Variants in ZNF81 observed in about 807,000 individuals in gnomAD.
The protein encoded by ZNF81 is zinc finger protein 81 (HFZ20).
A neutral mutation model predicts 32.3 loss-of-function variants in ZNF81; 5 were observed. The observed-to-expected ratio is 0.15, with a 90% confidence interval of 0.08 to 0.33. ZNF81 has a LOEUF of 0.33. Ranked by LOEUF, ZNF81 falls within the 10% of genes least tolerant of loss-of-function variation. ZNF81 has a pLI of 1.00. For missense variants in ZNF81, 379 were observed against 479.8 expected, an observed-to-expected ratio of 0.79 and a Z score of 1.96; for synonymous variants, 163 against 166.8, an observed-to-expected ratio of 0.98 and a Z score of 0.17.
chrX:47,855,162 A>G (rs1312292644), intron 2 of ZNF81, among the ~76,000 whole-genome samples: 3 of 108,800 alleles, frequency 2.8e-5, no homozygotes, highest in Admixed American at 9.8e-5. Flanking sequence ...AAAAAAATAA[A>G]TAAATTAATT....
chrX:47,920,597 CT>C lies in ZNF81; in HGVS notation c.*3967del, dbSNP rs1418823959. ...CCTGAGGGCAACAGGGTTTGCTGCA[CT>C]TCTTTTAGTGGCTTAAGGATTTTGT... On this transcript the variant is annotated 3_prime_UTR_variant, in exon 5 of 5. Coordinates refer to ENST00000338637, the MANE Select transcript of ZNF81 (RefSeq NM_007137.5). The C allele has an allele frequency of 2.7e-5, 3 of 110,790 alleles. No individual in the cohort carries two copies. In the Admixed American group the frequency reaches 2.9e-4, roughly 11 times the overall value. 9.1% of individuals were successfully genotyped at this position (110,790 alleles called of 1,213,427 possible). A position where few individuals can be genotyped will look rare whatever the true frequency, so the allele number is the denominator to read the frequency against.
rs1333439699 is a variant in ZNF81 at position 47,922,223 on chromosome X, TCTCTG to T, written c.*5597_*5601del. 1 of 112,338 alleles carries T rather than the reference TCTCTG, an allele frequency of 8.9e-6. No homozygotes were observed. The highest frequency in any genetic ancestry group is 3.2e-5 in the African/African-American group (1 of 30,873). The allele number at this position is 112,338 out of a possible 1,213,427, so 9.3% of individuals were successfully genotyped here. A position where few individuals can be genotyped will look rare whatever the true frequency, so the allele number is the denominator to read the frequency against. On this transcript the variant is annotated 3_prime_UTR_variant, in exon 5 of 5. Transcript: ENST00000338637. The stretch of plus-strand genomic sequence containing the variant: ...TACTGTGAACACTTTCATGTTTTAA[TCTCTG>T]CTCTGTGCTCATAATCATATATAGA...
intron 4 of ZNF81, among the ~76,000 whole-genome samples, chrX:47,902,460 C>T (rs1159957892): frequency 9.0e-6 from 1 of 111,374 alleles, no homozygotes; most frequent in African/African-American, 3.3e-5. Context: ...ATGATGTAAT[C>T]GACATACATA....
chrX:47,909,342 C>T (rs2058731291), intron 4 of ZNF81, among the ~76,000 whole-genome samples: 1 of 111,500 alleles, frequency 9.0e-6, no homozygotes, highest in East Asian at 2.8e-4. Context: ...TTTAGGTTTC[C>T]CCTTTGTTAA....
intron 4 of ZNF81, among the ~76,000 whole-genome samples, chrX:47,901,919 G>C (rs1485830724): frequency 9.0e-6 from 1 of 111,472 alleles, no homozygotes; most frequent in Non-Finnish European, 1.9e-5. Context: ...CACGTCTCTT[G>C]TGATTTTGTA....
Position 47,917,606 on chromosome X carries a change from C to T in ZNF81, c.*974C>T. The T allele has an allele frequency of 4.8e-6, 1 of 210,118 alleles. No homozygotes were observed. Among genetic ancestry groups the T allele is most frequent in the Non-Finnish European group, 8.7e-6 (1 of 115,394 alleles). 17.3% of individuals were successfully genotyped at this position (210,118 alleles called of 1,213,427 possible). A position where few individuals can be genotyped will look rare whatever the true frequency, so the allele number is the denominator to read the frequency against. ...AGCCACCACATGGAGCAGTGGTGAG[C>T]CAGCCTTGCTGAGGCCCCTTAGACC... On this transcript the variant is annotated 3_prime_UTR_variant, in exon 5 of 5. Coordinates refer to ENST00000338637, the MANE Select transcript of ZNF81 (RefSeq NM_007137.5).
intron 4 of ZNF81, among the ~76,000 whole-genome samples, chrX:47,898,702 A>G (rs1227894452): frequency 9.0e-6 from 1 of 111,489 alleles, no homozygotes; most frequent in Admixed American, 9.5e-5. Context: ...TAACCCATGA[A>G]AATGGCATAT....
rs782377735 is a variant in ZNF81 at position 47,915,829 on chromosome X, T to G, written c.1183T>G (p.Phe395Val). 6 of 1,209,504 alleles carry G rather than the reference T, an allele frequency of 5.0e-6. No individual in the cohort carries two copies. Among genetic ancestry groups the G allele is most frequent in the Non-Finnish European group, 6.7e-6 (6 of 895,065 alleles). The change falls in exon 5 of 5, where the codon TTC becomes GTC. Residue 395 changes from phenylalanine (F) to valine (V), a missense_variant. Coordinates refer to ENST00000338637, the MANE Select transcript of ZNF81 (RefSeq NM_007137.5). Reference sequence around the variant, plus strand: ...TGAATGCAGTGAATGTGGTAAAGGCTTCTCCCTGAACTCAGCCCTCAATAT... The same window carrying G: ...TGAATGCAGTGAATGTGGTAAAGGCGTCTCCCTGAACTCAGCCCTCAATAT... ...LFECSECGKGFSLNSALNIHQ... is the reference protein window; with the variant it reads ...LFECSECGKGVSLNSALNIHQ...
intron 2 of ZNF81, among the ~76,000 whole-genome samples, chrX:47,882,538 A>T (rs2058625212): frequency 8.9e-6 from 1 of 112,792 alleles, no homozygotes; most frequent in Admixed American, 9.4e-5. Flanking sequence ...GTTGATGAAC[A>T]TTTAGAATGT....
intron 3 of ZNF81, among the ~76,000 whole-genome samples, chrX:47,888,933 C>T (rs930173661): frequency 8.9e-6 from 1 of 111,754 alleles, no homozygotes; most frequent in East Asian, 2.8e-4. Context: ...GGCTGAATTG[C>T]GTTCTGTTGG....
intron 2 of ZNF81, among the ~76,000 whole-genome samples, chrX:47,876,082 G>A: frequency 8.9e-6 from 1 of 112,195 alleles, no homozygotes; most frequent in Middle Eastern, 4.6e-3. Flanking sequence ...AGAGCCTGGT[G>A]CCTAGGCTAA....
chrX:47,904,598 T>G (rs376322614), intron 4 of ZNF81, among the ~76,000 whole-genome samples: 1 of 110,961 alleles, frequency 9.0e-6, no homozygotes, highest in African/African-American at 3.3e-5. Flanking sequence ...AATAGGAACA[T>G]TTTTACACTG....
chrX:47,843,440 C>G (rs1160652456), intron 1 of ZNF81, among the ~76,000 whole-genome samples: 1 of 109,185 alleles, frequency 9.2e-6, no homozygotes, highest in Non-Finnish European at 1.9e-5. Context: ...TCTACACACA[C>G]ACACACACAC....
intron 2 of ZNF81, among the ~76,000 whole-genome samples, chrX:47,865,736 GCTTT>G (rs782186176): frequency 8.9e-6 from 1 of 111,814 alleles, no homozygotes; most frequent in East Asian, 2.8e-4. Context: ...CTCTTTTGGG[GCTTT>G]CTTTTAGGTG....
At chrX:47,853,472 G>A (rs782628746) in intron 2 of ZNF81, among the ~76,000 whole-genome samples, 2 of 111,896 alleles carry the variant, frequency 1.8e-5, no homozygotes, top group Admixed American at 9.4e-5. Context: ...GAGCCACCGT[G>A]CCCGGCCGAT....
intron 2 of ZNF81, among the ~76,000 whole-genome samples, chrX:47,856,783 A>G (rs1324844012): frequency 9.0e-6 from 1 of 110,876 alleles, no homozygotes; most frequent in Non-Finnish European, 1.9e-5. Flanking sequence ...CATCTCTACT[A>G]AAAATAGAAA....
intron 2 of ZNF81, among the ~76,000 whole-genome samples, chrX:47,854,421 T>C (rs2058507659): frequency 7.1e-5 from 8 of 112,480 alleles, no homozygotes; most frequent in Admixed American, 4.7e-4. Context: ...TAAGAATTTT[T>C]CCTTTGCATT....
chrX:47,866,818 C>T (rs1311199256), intron 2 of ZNF81, among the ~76,000 whole-genome samples: 1 of 111,174 alleles, frequency 9.0e-6, no homozygotes, highest in Non-Finnish European at 1.9e-5. Context: ...TTCATGGCAG[C>T]ACTATTCACA....
chrX:47,904,663 C>T (rs2058713573), intron 4 of ZNF81, among the ~76,000 whole-genome samples: 1 of 111,736 alleles, frequency 8.9e-6, no homozygotes, highest in Admixed American at 9.5e-5. Context: ...GGTGATTCCT[C>T]AGGGATCTAG....
Sources: gnomAD v4.1 joint callset for allele counts (sites outside exome capture counted in the v4.1 genomes callset) on GRCh38, gnomAD v4.1.1 for gene constraint, MANE v1.5 for transcripts, NCBI Gene and HGNC (gene_info 2026-07-23, HGNC 2026-07-21) for gene names.